Variants in GRM8 observed in about 807,000 individuals in gnomAD.
GRM8 encodes the protein glutamate metabotropic receptor 8, also known as metabotropic glutamate receptor 8.
In GRM8, 47 loss-of-function variants were observed where a neutral mutation model predicts 87.2. The ratio of observed to expected loss-of-function variants is 0.54; its 90% CI spans 0.43 to 0.69. The LOEUF (loss-of-function observed/expected upper bound fraction) is 0.69. Among genes scored for constraint, GRM8 ranks in the 30% least tolerant of loss-of-function variants. GRM8 has a pLI of 0.00. For missense variants in GRM8, 1,019 were observed against 1,139.2 expected (o/e 0.89, Z 1.52); for synonymous variants, 396 against 404.5 (o/e 0.98, Z 0.25).
At chr7:126,688,739 G>GACAC (rs3831573) in intron 7 of GRM8, among the ~76,000 whole-genome samples, 3,905 of 145,730 alleles carry the variant, frequency 0.027, 66 homozygotes, top group African/African-American at 0.044. Context: ...CTCTCTTTCT[G>GACAC]ACACACACAC....
intron 8 of GRM8, among the ~76,000 whole-genome samples, chr7:126,577,472 A>C (rs1439615664): frequency 6.6e-6 from 1 of 152,186 alleles, no homozygotes; most frequent in Non-Finnish European, 1.5e-5. Context: ...TAATATTTCA[A>C]GGACAACGAA....
chr7:126,537,292 T>C (rs1815902024), intron 8 of GRM8, among the ~76,000 whole-genome samples: 1 of 151,556 alleles, frequency 6.6e-6, no homozygotes, highest in Non-Finnish European at 1.5e-5. Context: ...TAAATATGCA[T>C]GACTTAATTT....
intron 6 of GRM8, among the ~76,000 whole-genome samples, chr7:126,873,570 A>G (rs1799287174): frequency 6.6e-6 from 1 of 152,100 alleles, no homozygotes; most frequent in African/African-American, 2.4e-5. Context: ...CCAAAATCAA[A>G]TGACCAATCC....
chr7:126,611,279 T>A (rs1798889438), intron 7 of GRM8, among the ~76,000 whole-genome samples: 5 of 152,126 alleles, frequency 3.3e-5, no homozygotes, highest in Admixed American at 2.6e-4. Flanking sequence ...ACCTCTTAAA[T>A]CCTCAGTTTC....
chr7:127,055,733 C>T (rs184486337), intron 3 of GRM8, among the ~76,000 whole-genome samples: 8 of 152,054 alleles, frequency 5.3e-5, no homozygotes, highest in Admixed American at 5.2e-4. Context: ...CACCAAAGCC[C>T]TCATTAGCTC....
intron 9 of GRM8, among the ~76,000 whole-genome samples, chr7:126,492,960 G>A (rs939671700): frequency 6.6e-6 from 1 of 152,012 alleles, no homozygotes; most frequent in African/African-American, 2.4e-5. Context: ...ATATCAGTAT[G>A]GGCACCAGCA....
intron 7 of GRM8, among the ~76,000 whole-genome samples, chr7:126,642,134 T>C (rs28709262): frequency 0.31 from 46,853 of 152,056 alleles, 8,118 homozygotes; most frequent in East Asian, 0.43. Context: ...ATTGTTACTA[T>C]ATCTCATTAG....
intron 6 of GRM8, among the ~76,000 whole-genome samples, chr7:126,785,386 C>A (rs1820518345): frequency 6.6e-6 from 1 of 152,040 alleles, no homozygotes; most frequent in African/African-American, 2.4e-5. Flanking sequence ...AACCACACAC[C>A]AATGCTACCT....
chr7:126,562,633 G>A (rs1026861401), intron 8 of GRM8, among the ~76,000 whole-genome samples: 23 of 152,134 alleles, frequency 1.5e-4, no homozygotes, highest in African/African-American at 5.3e-4. Flanking sequence ...GGTGGCTCAC[G>A]CCTGTAATCC....
intron 10 of GRM8, among the ~76,000 whole-genome samples, chr7:126,443,618 A>T (rs1350443719): frequency 1.3e-5 from 2 of 152,044 alleles, no homozygotes; most frequent in Non-Finnish European, 2.9e-5. Context: ...TCTCCAAAGT[A>T]CAATTAAACT....
chr7:126,789,408 T>G (rs1465275722), intron 6 of GRM8, among the ~76,000 whole-genome samples: 2 of 152,144 alleles, frequency 1.3e-5, no homozygotes, highest in Admixed American at 1.3e-4. Flanking sequence ...TGTTATAAAT[T>G]TATGGTATCT....
chr7:127,234,675 C>T (rs1797883213), intron 2 of GRM8, among the ~76,000 whole-genome samples: 1 of 152,206 alleles, frequency 6.6e-6, no homozygotes, highest in Non-Finnish European at 1.5e-5. Context: ...TTCTCAGACC[C>T]CACCCCGGGC....
At position 126,566,224 on chromosome 7, in the gene GRM8, G is replaced by A. The variant is rs985912816; in HGVS notation, c.1495-32337C>T. On this transcript the variant is annotated intron_variant, in intron 8 of 10. Transcript: ENST00000339582. ...AAAAATCTTCTGCAGAGCAAAGAAA[G>A]CAGTAAAATGACAATCTATGAAATC... Among the ~76,000 whole-genome samples the A allele has an allele frequency of 4.6e-5, 7 of 152,258 alleles. No homozygotes were observed. The South Asian group carries it at 1.4e-3, about 31-fold the overall frequency.
At chr7:126,837,207 C>A (rs147706529) in intron 6 of GRM8, among the ~76,000 whole-genome samples, 3 of 152,084 alleles carry the variant, frequency 2.0e-5, no homozygotes, top group Admixed American at 2.0e-4. Context: ...ATATTATAGA[C>A]AATGAATAAC....
At chr7:126,885,710 G>A (rs1800425908) in intron 6 of GRM8, among the ~76,000 whole-genome samples, 1 of 152,080 alleles carries the variant, frequency 6.6e-6, no homozygotes. Context: ...TAACAAATCT[G>A]ATTTAATTTT....
chr7:126,614,545 G>A (rs2151116316), intron 7 of GRM8, among the ~76,000 whole-genome samples: 1 of 152,172 alleles, frequency 6.6e-6, no homozygotes, highest in Middle Eastern at 3.4e-3. Flanking sequence ...TTGACAAGCT[G>A]AGAGAAGGCT....
intron 8 of GRM8, among the ~76,000 whole-genome samples, chr7:126,583,700 G>A (rs1007972681): frequency 6.6e-6 from 1 of 152,182 alleles, no homozygotes. Context: ...TGACTGAATT[G>A]CTACAATCTC....
At chr7:126,974,954 A>C (rs1380690186) in intron 3 of GRM8, among the ~76,000 whole-genome samples, 1 of 149,534 alleles carries the variant, frequency 6.7e-6, no homozygotes, top group Non-Finnish European at 1.5e-5. Context: ...AAAAAAAAAA[A>C]AAAAAAAAAA....
chr7:126,561,964 T>C (rs534622716), intron 8 of GRM8, among the ~76,000 whole-genome samples: 1 of 152,190 alleles, frequency 6.6e-6, no homozygotes, highest in Admixed American at 6.5e-5. Flanking sequence ...CCATTTTATT[T>C]ATTTAAAAAT....
Sources: gnomAD v4.1 joint callset for allele counts (sites outside exome capture counted in the v4.1 genomes callset) on GRCh38, gnomAD v4.1.1 for gene constraint, MANE v1.5 for transcripts, NCBI Gene and HGNC (gene_info 2026-07-23, HGNC 2026-07-21) for gene names.